DERA: variants seen among roughly 807,000 people sequenced by gnomAD.
DERA encodes 2-deoxy-D-ribose 5-phosphate aldolase.
DERA carries 15 observed loss-of-function variants against 41.1 expected under a neutral mutation model. The observed-to-expected ratio is 0.37, with a 90% CI of 0.24 to 0.56. The LOEUF is 0.56. Among genes scored for constraint, DERA ranks in the 20% least tolerant of loss-of-function variants. The pLI, the probability that DERA is intolerant of heterozygous loss-of-function variation, is 0.81. For missense variants in DERA, 396 were observed against 403.4 expected (o/e 0.98, Z 0.16); for synonymous variants, 139 against 137.4 (o/e 1.01, Z -0.08).
rs2136134587 is a variant in DERA at position 15,938,011 on chromosome 12, A to G, written c.32-18925A>G. Among the ~76,000 whole-genome samples the G allele has an allele frequency of 6.6e-6, 1 of 152,360 alleles. No homozygotes were observed. Among genetic ancestry groups the G allele is most frequent in the African/African-American group, 2.4e-5 (1 of 41,584 alleles). On this transcript the variant is annotated intron_variant, in intron 1 of 8. Coordinates refer to ENST00000428559, the MANE Select transcript of DERA (RefSeq NM_015954.4). The surrounding 1 kb of genome is among the most constrained non-coding windows in gnomAD (Gnocchi z 4.1). ...GAGGAAGCTCTAATATCTTGTTGGC[A>G]ACATCCAAGTAAATAATTCAACTAT... is the stretch of plus-strand genomic sequence containing the variant.
chr12:15,939,944 A>C (rs1160544390), intron 1 of DERA, among the ~76,000 whole-genome samples: 1 of 152,248 alleles, frequency 6.6e-6, no homozygotes, highest in African/African-American at 2.4e-5. Context: ...TTGTTAGACT[A>C]TGGAAGCATA....
intron 1 of DERA, among the ~76,000 whole-genome samples, chr12:15,956,155 G>A (rs1253372180): frequency 1.3e-5 from 2 of 152,166 alleles, no homozygotes; most frequent in African/African-American, 2.4e-5. Flanking sequence ...TTGATTACAA[G>A]TTCTGTGGTA....
intron 6 of DERA, among the ~76,000 whole-genome samples, chr12:16,016,366 C>T (rs933582679): frequency 6.6e-6 from 1 of 152,102 alleles, no homozygotes; most frequent in Non-Finnish European, 1.5e-5. Context: ...TTGAATTGTT[C>T]TCTATGTAGA....
At position 15,982,160 on chromosome 12, in the gene DERA, A is replaced by G; in HGVS notation, c.509-148A>G. The G allele has an allele frequency of 1.3e-6, 1 of 749,248 alleles. No homozygotes were observed. Among genetic ancestry groups the G allele is most frequent in the Non-Finnish European group, 2.1e-6 (1 of 475,924 alleles). 46.4% of individuals were successfully genotyped at this position (749,248 alleles called of 1,614,324 possible). A position where few individuals can be genotyped will look rare whatever the true frequency, so the allele number is the denominator to read the frequency against. On this transcript the variant is annotated intron_variant, in intron 5 of 8. Coordinates refer to ENST00000428559, the MANE Select transcript of DERA (RefSeq NM_015954.4). The surrounding 1 kb of genome is among the most constrained non-coding windows in gnomAD (Gnocchi z 4.0). Reference sequence around the variant, plus strand: ...GATGTGAACTGCAACAGAATGCTCCAGGCAATGTTAAATTGGGGTGATTTT... The same window carrying G: ...GATGTGAACTGCAACAGAATGCTCCGGGCAATGTTAAATTGGGGTGATTTT...
Position 15,998,064 on chromosome 12 carries a change from GA to G in DERA, c.637+15629del, listed in dbSNP as rs1565609489. ...GACAAATAACTAAAGTCAAAACACAGAGTCTAGAACAAGGTTCTCAACCTGG... is the reference window on the plus strand; with the variant it reads ...GACAAATAACTAAAGTCAAAACACAGGTCTAGAACAAGGTTCTCAACCTGG... On this transcript the variant is annotated intron_variant, in intron 6 of 8. Coordinates refer to ENST00000428559, the MANE Select transcript of DERA (RefSeq NM_015954.4). The surrounding 1 kb of genome is among the most constrained non-coding windows in gnomAD (Gnocchi z 4.8). Among the ~76,000 whole-genome samples, 1 of 152,142 alleles carries G rather than the reference GA, an allele frequency of 6.6e-6. No homozygotes were observed. The highest frequency in any genetic ancestry group is 2.4e-5 in the African/African-American group (1 of 41,432).
intron 7 of DERA, among the ~76,000 whole-genome samples, chr12:16,034,576 G>C (rs936490959): frequency 6.6e-6 from 1 of 152,142 alleles, no homozygotes; most frequent in Non-Finnish European, 1.5e-5. Flanking sequence ...CAGCCTTTCG[G>C]GTTGCTTGAC....
At chr12:16,015,449 G>T (rs897026156) in intron 6 of DERA, among the ~76,000 whole-genome samples, 1 of 152,166 alleles carries the variant, frequency 6.6e-6, no homozygotes, top group Non-Finnish European at 1.5e-5. Context: ...TCTCCTTCTT[G>T]TCCCTTTGTG....
Position 15,915,507 on chromosome 12 carries a change from CTG to C in DERA, c.31+4095_31+4096del. On this transcript the variant is annotated intron_variant, in intron 1 of 8. Transcript: ENST00000428559. The surrounding 1 kb of genome is among the most constrained non-coding windows in gnomAD (Gnocchi z 4.8). ...ACCGTGTGTCAGTATGTTGACCAGA[CTG>C]TTCTCAAACTCCTAGCCTCAAGTGA... is the stretch of plus-strand genomic sequence containing the variant. 6.6e-6 allele frequency among the ~76,000 whole-genome samples: 1 copy of C among 152,216 alleles called. No homozygotes were observed. The highest frequency in any genetic ancestry group is 1.5e-5 in the Non-Finnish European group (1 of 68,026).
chr12:15,993,480 C>CTT lies in DERA; in HGVS notation c.637+11058_637+11059dup, dbSNP rs74499962. Among the ~76,000 whole-genome samples, 32 of 135,124 alleles carry CTT rather than the reference C, an allele frequency of 2.4e-4. No homozygotes were observed. Among genetic ancestry groups the CTT allele is most frequent in the South Asian group, 4.8e-4 (2 of 4,210 alleles). 88.6% of individuals were successfully genotyped at this position (135,124 alleles called of 152,430 possible). On this transcript the variant is annotated intron_variant, in intron 6 of 8. Transcript: ENST00000428559. This position sits in a 1 kb window ranked among gnomAD's most constrained non-coding sequence, Gnocchi z 4.4. ...ATCTAGACTCCTGTGGTGTTGTGGC[C>CTT]TTTTTTTTTTTTTTTAAAAAAAATA...
intron 1 of DERA, among the ~76,000 whole-genome samples, chr12:15,917,812 C>T (rs1377547212): frequency 6.6e-6 from 1 of 152,134 alleles, no homozygotes; most frequent in East Asian, 1.9e-4. Flanking sequence ...TTTCCCAGCA[C>T]CAAAGTCAGC....
rs574799557 is a variant in DERA, at chr12:15,925,965, C to T, written c.31+14551C>T. Among the ~76,000 whole-genome samples the T allele has an allele frequency of 3.3e-5, 5 of 151,104 alleles. No homozygotes were observed. The East Asian group carries it at 7.8e-4, about 24-fold the overall frequency. On this transcript the variant is annotated intron_variant, in intron 1 of 8. Transcript: ENST00000428559. Reference sequence around the variant, plus strand: ...GCCTCCCGAGTAGCTGGATTAGAGGCGCCCACCATCACACACCCGGCTGAT... The same window carrying T: ...GCCTCCCGAGTAGCTGGATTAGAGGTGCCCACCATCACACACCCGGCTGAT...
intron 6 of DERA, among the ~76,000 whole-genome samples, chr12:16,027,654 T>C (rs1949062007): frequency 6.6e-6 from 1 of 152,192 alleles, no homozygotes; most frequent in Non-Finnish European, 1.5e-5. Context: ...ACAGAGAGTA[T>C]GGCTCTGCTG....
intron 6 of DERA, among the ~76,000 whole-genome samples, chr12:16,028,570 A>C (rs1012490187): frequency 2.0e-5 from 3 of 152,174 alleles, no homozygotes; most frequent in African/African-American, 7.2e-5. Flanking sequence ...GTACAGTATG[A>C]AAAATGGGGG....
rs139089040 is a variant in DERA, at chr12:16,004,384, T to TC, written c.637+21948_637+21949insC. 0.086 allele frequency among the ~76,000 whole-genome samples: 13,066 copies of TC among 152,116 alleles called. 1,696 individuals carry two copies. The highest frequency in any genetic ancestry group is 0.27 in the African/African-American group (11,339 of 41,440). Reference sequence around the variant, plus strand: ...GAAAAACCCAACTCCTCCTTAACAATTTGTTCTCCCACCAATCTTTGATTT... The same window carrying TC: ...GAAAAACCCAACTCCTCCTTAACAATCTTGTTCTCCCACCAATCTTTGATTT... On this transcript the variant is annotated intron_variant, in intron 6 of 8. Transcript: ENST00000428559. The surrounding 1 kb of genome is among the most constrained non-coding windows in gnomAD (Gnocchi z 4.2).
chr12:16,023,889 T>A (rs149700772), intron 6 of DERA, among the ~76,000 whole-genome samples: 1 of 152,302 alleles, frequency 6.6e-6, no homozygotes, highest in African/African-American at 2.4e-5. Context: ...TGTTAATAGC[T>A]TTAATGAAAA....
chr12:15,931,501 G>A lies in DERA; in HGVS notation c.31+20087G>A, dbSNP rs1592003780. 1.3e-5 allele frequency among the ~76,000 whole-genome samples: 2 copies of A among 152,312 alleles called. No homozygotes were observed. Among genetic ancestry groups the A allele is most frequent in the Middle Eastern group, 6.8e-3 (2 of 294 alleles). On this transcript the variant is annotated intron_variant, in intron 1 of 8. Transcript: ENST00000428559. The surrounding 1 kb of genome is among the most constrained non-coding windows in gnomAD (Gnocchi z 4.6). ...CTCTCTGTAAGTTAGGCACATTTAGGTGCTTGACAAAACTGTCATCAGAAG... is the reference window on the plus strand; with the variant it reads ...CTCTCTGTAAGTTAGGCACATTTAGATGCTTGACAAAACTGTCATCAGAAG...
chr12:15,973,208 T>G (rs1184047452), intron 5 of DERA, among the ~76,000 whole-genome samples: 1 of 151,790 alleles, frequency 6.6e-6, no homozygotes, highest in Non-Finnish European at 1.5e-5. Flanking sequence ...CTATATTGAT[T>G]AAGCATCTGC....
chr12:16,020,662 TATG>T lies in DERA; in HGVS notation c.638-11878_638-11876del, dbSNP rs1949012450. ...GGAAGATGAGAGAAAGTTTGAAACT[TATG>T]AGAGACTGGTTAAATGGTTGTGAGA... On this transcript the variant is annotated intron_variant, in intron 6 of 8. Transcript: ENST00000428559. This position sits in a 1 kb window ranked among gnomAD's most constrained non-coding sequence, Gnocchi z 5.5. Among the ~76,000 whole-genome samples the T allele has an allele frequency of 6.6e-6, 1 of 152,114 alleles. No homozygotes were observed. Among genetic ancestry groups the T allele is most frequent in the African/African-American group, 2.4e-5 (1 of 41,418 alleles).
intron 5 of DERA, among the ~76,000 whole-genome samples, chr12:15,978,506 G>A (rs1327645211): frequency 6.6e-6 from 1 of 152,152 alleles, no homozygotes; most frequent in Non-Finnish European, 1.5e-5. Context: ...AAATATGTGA[G>A]CAAACTGAGC....
Sources: gnomAD v4.1 joint callset for allele counts (sites outside exome capture counted in the v4.1 genomes callset) on GRCh38, gnomAD v4.1.1 for gene constraint, Gnocchi (gnomAD v3.1) non-coding constraint, MANE v1.5 for transcripts, NCBI Gene and HGNC (gene_info 2026-07-23, HGNC 2026-07-21) for gene names.